DCC: variants seen among roughly 807,000 people sequenced by gnomAD.
DCC encodes the protein netrin receptor DCC.
In DCC, 58 loss-of-function variants were observed where a neutral mutation model predicts 172.5. The observed-to-expected ratio is 0.34, with a 90% confidence interval of 0.27 to 0.42. The LOEUF is 0.42. Among genes scored for constraint, DCC ranks in the 10% least tolerant of loss-of-function variants. The pLI is 1.00. For synonymous variants in DCC, 709 were observed against 644.5 expected (o/e 1.10, Z -1.52); for missense variants, 1,740 against 1,791.0 (o/e 0.97, Z 0.51).
Position 53,339,837 on chromosome 18 carries a change from C to T in DCC, c.2289C>T (p.Gly763=), listed in dbSNP as rs200732346. 4.3e-5 allele frequency: 70 copies of T among 1,613,892 alleles called. No individual in the cohort carries two copies. The East Asian group carries it at 8.9e-4, about 21-fold the overall frequency. Residue 763 remains glycine, a synonymous_variant, in exon 15 of 29, where the codon GGC becomes GGT. Transcript: ENST00000442544. Reference sequence around the variant, plus strand: ...TGCGAGGTTATATTATCGGTTATGGCGTTGGGAGCCCTTACGCTGAGACAG... The same window carrying T: ...TGCGAGGTTATATTATCGGTTATGGTGTTGGGAGCCCTTACGCTGAGACAG... ...IVVRGYIIGY[G]VGSPYAETVR... is the part of the protein sequence containing the mutation.
chr18:52,851,531 C>A (rs936333473), intron 2 of DCC, among the ~76,000 whole-genome samples: 10 of 152,006 alleles, frequency 6.6e-5, no homozygotes, highest in African/African-American at 2.4e-4. Context: ...AAAATCTAGT[C>A]AAAAAGTTTG....
intron 1 of DCC, among the ~76,000 whole-genome samples, chr18:52,429,595 T>G (rs1397086132): frequency 6.6e-6 from 1 of 152,086 alleles, no homozygotes; most frequent in Admixed American, 6.6e-5. Flanking sequence ...GAAAAACAAA[T>G]AGCAACAAGG....
intron 2 of DCC, among the ~76,000 whole-genome samples, chr18:52,860,813 C>T (rs375579959): frequency 1.3e-5 from 2 of 152,086 alleles, no homozygotes; most frequent in East Asian, 1.9e-4. Context: ...TCCTGGCTAA[C>T]ACGGTGGAAC....
At chr18:52,812,743 T>A (rs1382705344) in intron 2 of DCC, among the ~76,000 whole-genome samples, 1 of 152,230 alleles carries the variant, frequency 6.6e-6, no homozygotes, top group Admixed American at 6.5e-5. Flanking sequence ...GGTCTGGGTT[T>A]CGGCTGTCTC....
chr18:53,455,910 T>C (rs1443849972), intron 23 of DCC, among the ~76,000 whole-genome samples: 3 of 152,248 alleles, frequency 2.0e-5, no homozygotes, highest in African/African-American at 7.2e-5. Context: ...TTAGCACATT[T>C]CTTGACACAT....
chr18:53,452,978 C>T (rs2045435286), intron 23 of DCC, among the ~76,000 whole-genome samples: 1 of 152,058 alleles, frequency 6.6e-6, no homozygotes, highest in South Asian at 2.1e-4. Flanking sequence ...TGCAGTGGTG[C>T]AATCTCAGCT....
At chr18:52,538,323 G>T (rs1270925145) in intron 1 of DCC, among the ~76,000 whole-genome samples, 1 of 152,054 alleles carries the variant, frequency 6.6e-6, no homozygotes, top group African/African-American at 2.4e-5. Context: ...CCTACCTATT[G>T]TAACATTCTC....
At chr18:53,477,088 A>G (rs2045772687) in intron 25 of DCC, among the ~76,000 whole-genome samples, 2 of 152,196 alleles carry the variant, frequency 1.3e-5, no homozygotes, top group African/African-American at 4.8e-5. Flanking sequence ...TGTTCACTGT[A>G]ACCTCCACCT....
chr18:53,045,034 T>A (rs972483774), intron 5 of DCC, among the ~76,000 whole-genome samples: 3 of 151,854 alleles, frequency 2.0e-5, no homozygotes, highest in Non-Finnish European at 4.4e-5. Flanking sequence ...ATATGAATGA[T>A]AAGTATGAAA....
At chr18:53,201,140 C>T (rs1180814191) in intron 9 of DCC, among the ~76,000 whole-genome samples, 1 of 152,164 alleles carries the variant, frequency 6.6e-6, no homozygotes, top group Non-Finnish European at 1.5e-5. Flanking sequence ...CAGATACCCA[C>T]TCATCTCCCA....
chr18:52,806,819 G>T (rs2038094663), intron 2 of DCC, among the ~76,000 whole-genome samples: 1 of 152,154 alleles, frequency 6.6e-6, no homozygotes, highest in African/African-American at 2.4e-5. Context: ...AGTCAAGTGA[G>T]CCACCATCTT....
intron 27 of DCC, among the ~76,000 whole-genome samples, 162 bp from the exon 28 acceptor site, chr18:53,526,455 A>T (rs2046456397): frequency 6.6e-6 from 1 of 152,210 alleles, no homozygotes; most frequent in African/African-American, 2.4e-5. Context: ...ATTTAGTAGA[A>T]ATAAAACGAG....
At chr18:52,671,831 C>T (rs955402535) in intron 1 of DCC, among the ~76,000 whole-genome samples, 22 of 152,022 alleles carry the variant, frequency 1.4e-4, no homozygotes, top group Non-Finnish European at 2.6e-4. Context: ...TCACCACACC[C>T]GGCCTCATAT....
chr18:53,172,718 T>C (rs556485479), intron 8 of DCC, among the ~76,000 whole-genome samples: 2 of 152,200 alleles, frequency 1.3e-5, no homozygotes, highest in South Asian at 4.1e-4. Flanking sequence ...GACAAATTGA[T>C]CCTCTCAGCA....
chr18:53,529,001 A>C, intron 28 of DCC, among the ~76,000 whole-genome samples: 1 of 89,410 alleles, frequency 1.1e-5, no homozygotes, highest in African/African-American at 4.3e-5. Context: ...CCTCACTTCA[A>C]CTTCTCTCTC....
intron 1 of DCC, among the ~76,000 whole-genome samples, chr18:52,469,270 G>A (rs983165826): frequency 6.6e-6 from 1 of 151,952 alleles, no homozygotes; most frequent in Non-Finnish European, 1.5e-5. Context: ...GTTGCCCAGG[G>A]TAGTCTCAAA....
At chr18:53,471,107 C>T (rs1376044240) in intron 25 of DCC, among the ~76,000 whole-genome samples, 1 of 152,160 alleles carries the variant, frequency 6.6e-6, no homozygotes, top group African/African-American at 2.4e-5. Flanking sequence ...TACTAGACTA[C>T]AGCAATAAGC....
chr18:52,554,257 T>G (rs994504237), intron 1 of DCC, among the ~76,000 whole-genome samples: 1 of 152,078 alleles, frequency 6.6e-6, no homozygotes, highest in Non-Finnish European at 1.5e-5. Flanking sequence ...AGGATGGGAT[T>G]AATGAGACAT....
intron 2 of DCC, among the ~76,000 whole-genome samples, chr18:52,862,814 T>C (rs1172114456): frequency 2.0e-5 from 3 of 152,086 alleles, no homozygotes; most frequent in African/African-American, 7.2e-5. Flanking sequence ...AAAGAAAATA[T>C]GAGATCAACG....
Sources: allele counts gnomAD v4.1 joint callset (sites outside exome capture counted in the v4.1 genomes callset), GRCh38; gene constraint gnomAD v4.1.1; transcripts MANE v1.5; gene names NCBI Gene and HGNC (gene_info 2026-07-23, HGNC 2026-07-21).